Variants in ARPP21 observed in about 807,000 individuals in gnomAD.
ARPP21 encodes the protein cAMP-regulated phosphoprotein 21.
Under a neutral mutation model 113.2 loss-of-function variants are expected in ARPP21, and 69 were observed. That is an observed-to-expected ratio of 0.61 (90% CI 0.50 to 0.74). ARPP21 has a LOEUF of 0.74. ARPP21 is among the 30% of genes least tolerant of loss of function. The pLI is 0.00. For missense variants in ARPP21, 1,070 were observed against 1,037.4 expected (o/e 1.03, Z -0.43); for synonymous variants, 368 against 375.5 (o/e 0.98, Z 0.23).
chr3:35,754,959 G>C (rs2095524322), intron 19 of ARPP21, among the ~76,000 whole-genome samples: 1 of 151,910 alleles, frequency 6.6e-6, no homozygotes, highest in African/African-American at 2.4e-5. Context: ...AGGAGATTTG[G>C]ATTAAAGATG....
chr3:35,768,079 CGTGTGTGTGTGTGTGTGTGTGTGTGTGT>C (rs5847897), intron 19 of ARPP21, among the ~76,000 whole-genome samples: 27 of 111,814 alleles, frequency 2.4e-4, no homozygotes, highest in South Asian at 7.7e-4. Context: ...CATGCTTTTC[CGTGTGTGTGTGTGTGTGTGTGTGTGTGT>C]GTGTGTGTGT....
intron 13 of ARPP21, 101 bp downstream of exon 13, chr3:35,717,458 A>T: frequency 9.1e-6 from 7 of 767,502 alleles, no homozygotes; most frequent in South Asian, 8.0e-5. Flanking sequence ...CTGTTCATTT[A>T]AAAAAGTCTG....
chr3:35,692,219 C>T (rs1204621310), intron 9 of ARPP21, among the ~76,000 whole-genome samples: 4 of 151,686 alleles, frequency 2.6e-5, no homozygotes, highest in Admixed American at 6.6e-5. Flanking sequence ...CCTGTAGTTG[C>T]ATTCTACTGT....
intron 13 of ARPP21, among the ~76,000 whole-genome samples, chr3:35,720,495 A>C (rs1400022969): frequency 6.6e-6 from 1 of 152,220 alleles, no homozygotes; most frequent in Admixed American, 6.5e-5. Flanking sequence ...GCTACCAATC[A>C]CATCTGTGAG....
At chr3:35,777,627 TG>T (rs1235186782) in intron 19 of ARPP21, among the ~76,000 whole-genome samples, 2 of 152,164 alleles carry the variant, frequency 1.3e-5, no homozygotes, top group African/African-American at 4.8e-5. Flanking sequence ...AAACCAAATA[TG>T]ATGTCAGAAT....
intron 19 of ARPP21, among the ~76,000 whole-genome samples, chr3:35,770,824 A>G (rs1331525487): frequency 1.3e-5 from 2 of 152,226 alleles, no homozygotes; most frequent in African/African-American, 4.8e-5. Context: ...ATGAAAGGCT[A>G]TGTTGAGAAT....
chr3:35,738,386 G>C, intron 17 of ARPP21, 68 bp downstream of exon 17: 2 of 1,334,856 alleles, frequency 1.5e-6, no homozygotes, highest in Non-Finnish European at 2.1e-6. Flanking sequence ...CTACTTTTTT[G>C]TGTGCCACTG....
At chr3:35,641,579 A>G (rs1280511983) in intron 1 of ARPP21, 1 of 152,204 alleles carries the variant, frequency 6.6e-6, no homozygotes, top group African/African-American at 2.4e-5. Context: ...AGCTCTATCT[A>G]TGTTTTGTTC....
At chr3:35,662,435 T>A (rs1708258620) in intron 1 of ARPP21, among the ~76,000 whole-genome samples, 1 of 152,158 alleles carries the variant, frequency 6.6e-6, no homozygotes, top group African/African-American at 2.4e-5. Flanking sequence ...GAAAGCATAC[T>A]CTGAGATAGA....
chr3:35,674,613 A>C (rs2077055702), intron 1 of ARPP21, among the ~76,000 whole-genome samples: 1 of 151,922 alleles, frequency 6.6e-6, no homozygotes, highest in Non-Finnish European at 1.5e-5. Flanking sequence ...AAAGATGGGC[A>C]CTATGAGTTA....
intron 18 of ARPP21, among the ~76,000 whole-genome samples, chr3:35,741,998 G>A (rs1237043302): frequency 6.7e-6 from 1 of 150,162 alleles, no homozygotes; most frequent in Non-Finnish European, 1.5e-5. Context: ...AGCTATGTCT[G>A]GGGAAAAGAA....
chr3:35,655,907 T>C (rs114461068), intron 1 of ARPP21, among the ~76,000 whole-genome samples: 2,339 of 152,110 alleles, frequency 0.015, 58 homozygotes, highest in African/African-American at 0.053. Context: ...TTCTAACAAG[T>C]TCTTAGTGAT....
intron 1 of ARPP21, among the ~76,000 whole-genome samples, chr3:35,676,077 G>C (rs2077416574): frequency 6.6e-6 from 1 of 151,886 alleles, no homozygotes; most frequent in South Asian, 2.1e-4. Flanking sequence ...GATTGTGTTA[G>C]TTCCTCTGAA....
At chr3:35,787,337 G>A (rs948532757) in intron 19 of ARPP21, among the ~76,000 whole-genome samples, 4 of 152,202 alleles carry the variant, frequency 2.6e-5, no homozygotes, top group Non-Finnish European at 5.9e-5. Context: ...GCAGAATTAA[G>A]CTATTTGCAC....
chr3:35,690,522 A>G (rs974249437), intron 8 of ARPP21, among the ~76,000 whole-genome samples: 1 of 151,514 alleles, frequency 6.6e-6, no homozygotes, highest in Admixed American at 6.6e-5. Context: ...ACATCTCCAT[A>G]TAGACATCTG....
At chr3:35,675,443 A>C (rs1179509519) in intron 1 of ARPP21, among the ~76,000 whole-genome samples, 1 of 151,766 alleles carries the variant, frequency 6.6e-6, no homozygotes, top group Admixed American at 6.6e-5. Context: ...AACCCTCCTT[A>C]TCTGTAGCAG....
In ARPP21 at chr3:35,729,444, A is replaced by C; in HGVS notation, c.1367A>C (p.Gln456Pro). The part of the protein sequence containing the change: ...VPYPENGIGG[Q>P]VAPSSTSYIL... ...TATCCAGAGAATGGAATAGGGGGCCAGGTTGCTCCCAGCAGCACCAGCTAC... is the reference window on the plus strand; with the variant it reads ...TATCCAGAGAATGGAATAGGGGGCCCGGTTGCTCCCAGCAGCACCAGCTAC... Residue 456 changes from glutamine to proline, a missense_variant, in exon 15 of 21, where the codon CAG becomes CCG. Transcript: ENST00000684406. 1.9e-6 allele frequency: 3 copies of C among 1,614,218 alleles called. No individual in the cohort carries two copies. Among genetic ancestry groups the C allele is most frequent in the Non-Finnish European group, 2.5e-6 (3 of 1,180,042 alleles).
chr3:35,716,840 C>T (rs2092469998), intron 12 of ARPP21, among the ~76,000 whole-genome samples: 1 of 151,954 alleles, frequency 6.6e-6, no homozygotes, highest in African/African-American at 2.4e-5. Context: ...GTATTGCCTT[C>T]TCTTTAGGTT....
At position 35,655,609 on chromosome 3, in the gene ARPP21, C is replaced by T. The variant is rs184280543; in HGVS notation, c.-213+15211C>T. On this transcript the variant is annotated intron_variant, in intron 1 of 20. Coordinates refer to ENST00000684406, the MANE Select transcript of ARPP21 (RefSeq NM_001385562.1). ...GCCCCAGTGACTAAAATGAGCTGTA[C>T]TGTATGTCTTTTAAATGCCAATTGG... is the stretch of plus-strand genomic sequence containing the variant. 2.2e-3 allele frequency among the ~76,000 whole-genome samples: 338 copies of T among 152,086 alleles called. 6 individuals are homozygous for T. The highest frequency in any genetic ancestry group is 4.0e-4 in the Non-Finnish European group (27 of 67,956).
Sources: gnomAD v4.1 joint callset for allele counts (sites outside exome capture counted in the v4.1 genomes callset) on GRCh38, gnomAD v4.1.1 for gene constraint, MANE v1.5 for transcripts, NCBI Gene and HGNC (gene_info 2026-07-23, HGNC 2026-07-21) for gene names.